The following SLC6A6 variants were observed in gnomAD, a reference collection of about 807,000 sequenced individuals.
SLC6A6 encodes solute carrier family 6 member 6.
SLC6A6 carries 16 observed loss-of-function variants against 68.8 expected under a neutral mutation model. The observed-to-expected ratio is 0.23, with a 90% confidence interval of 0.16 to 0.35. The LOEUF (loss-of-function observed/expected upper bound fraction) is 0.35, where lower values mean the gene tolerates loss of function less well. SLC6A6 is among the 10% of genes least tolerant of loss of function. The pLI, the probability that SLC6A6 is intolerant of heterozygous loss-of-function variation, is 1.00. For missense variants in SLC6A6, 474 were observed against 802.8 expected (o/e 0.59, Z 4.95); for synonymous variants, 312 against 315.4 (o/e 0.99, Z 0.12).
intron 2 of SLC6A6, among the ~76,000 whole-genome samples, chr3:14,421,575 T>C (rs1559287701): frequency 6.6e-6 from 1 of 152,250 alleles, no homozygotes; most frequent in African/African-American, 2.4e-5. Context: ...AACATCGTTA[T>C]TGCTCGTAGT....
intron 3 of SLC6A6, among the ~76,000 whole-genome samples, 173 bp from the exon 4 acceptor site, chr3:14,445,544 C>A (rs924077398): frequency 6.6e-6 from 1 of 152,234 alleles, no homozygotes; most frequent in Non-Finnish European, 1.5e-5. Flanking sequence ...GTGAAACCAG[C>A]TGGCCAGGTG....
In SLC6A6 at chr3:14,466,581, G is replaced by T. The variant is rs745751032; in HGVS notation, c.798G>T (p.Thr266=). 1.7e-5 allele frequency: 27 copies of T among 1,613,552 alleles called. No homozygotes were observed. The highest frequency in any genetic ancestry group is 2.2e-5 in the Non-Finnish European group (26 of 1,179,752). The change falls in exon 7 of 15, where the codon ACG becomes ACT. Residue 266 remains threonine, a synonymous_variant. Coordinates refer to ENST00000622186, the MANE Select transcript of SLC6A6 (RefSeq NM_003043.6). The part of the protein sequence containing the change: ...MLLVLLVRGL[T]LPGAGAGIKF... Reference sequence around the variant, plus strand: ...TGGTGCTGCTGGTCCGAGGGCTGACGCTGCCGGGCGCGGGCGCAGGCATCA... The same window carrying T: ...TGGTGCTGCTGGTCCGAGGGCTGACTCTGCCGGGCGCGGGCGCAGGCATCA...
intron 2 of SLC6A6, among the ~76,000 whole-genome samples, chr3:14,436,722 C>G (rs1035566357): frequency 6.6e-6 from 1 of 152,042 alleles, no homozygotes; most frequent in South Asian, 2.1e-4. Flanking sequence ...CATCAGAGTT[C>G]CCTGTTTGCT....
chr3:14,443,976 C>A (rs36107877), intron 3 of SLC6A6, 113 bp downstream of exon 3: 237,740 of 708,776 alleles, frequency 0.34, 42,126 homozygotes, highest in East Asian at 0.39. Flanking sequence ...CTGGCCCCCC[C>A]CCTTGACCTC....
In SLC6A6 at chr3:14,443,641, A is replaced by G. The variant is rs1700042861; in HGVS notation, c.7A>G (p.Thr3Ala). The change falls in exon 3 of 15, where the codon ACC becomes GCC. Residue 3 changes from threonine (T) to alanine (A), a missense_variant. Physicochemically the swap from Thr to Ala is moderately conservative, Grantham distance 58. Coordinates refer to ENST00000622186, the MANE Select transcript of SLC6A6 (RefSeq NM_003043.6). ...CCCCATAGAAAGCAAGGAGATGGCC[A>G]CCAAGGAGAAGCTGCAGTGTCTGAA... Reference protein sequence around the residue: MATKEKLQCLKDF... With the variant: MAAKEKLQCLKDF... The G allele has an allele frequency of 6.2e-7, 1 of 1,610,028 alleles. No individual in the cohort carries two copies.
Position 14,477,804 on chromosome 3 carries a change from C to T in SLC6A6, c.1347+462C>T, listed in dbSNP as rs1393103153. On this transcript the variant is annotated intron_variant, in intron 11 of 14. Coordinates refer to ENST00000622186, the MANE Select transcript of SLC6A6 (RefSeq NM_003043.6). This position sits in a 1 kb window ranked among gnomAD's most constrained non-coding sequence, Gnocchi z 4.2. ...CTGGTGGGTATGGGTTGATAGGGGG[C>T]ACATACACTATTCAGAGGGTGAGCA... Among the ~76,000 whole-genome samples, 1 of 152,066 alleles carries T rather than the reference C, an allele frequency of 6.6e-6. No homozygotes were observed. Among genetic ancestry groups the T allele is most frequent in the Non-Finnish European group, 1.5e-5 (1 of 68,014 alleles).
intron 2 of SLC6A6, among the ~76,000 whole-genome samples, chr3:14,438,837 A>G (rs1433368481): frequency 6.6e-6 from 1 of 152,214 alleles, no homozygotes; most frequent in Non-Finnish European, 1.5e-5. Flanking sequence ...TCTCCACCAG[A>G]AAGAGACATG....
At position 14,485,464 on chromosome 3, in the gene SLC6A6, C is replaced by T. The variant is rs188724187; in HGVS notation, c.*457C>T. The T allele has an allele frequency of 3.3e-5, 5 of 153,646 alleles. No homozygotes were observed. Among genetic ancestry groups the T allele is most frequent in the Admixed American group, 1.9e-4 (3 of 15,442 alleles). 9.5% of individuals were successfully genotyped at this position (153,646 alleles called of 1,614,324 possible). A position where few individuals can be genotyped will look rare whatever the true frequency, so the allele number is the denominator to read the frequency against. The stretch of plus-strand genomic sequence containing the variant: ...CTGGCAGAAAGTTCTGTCCAGTAAA[C>T]GCAGGATGGAATTTTCCTGGGACTC... On this transcript the variant is annotated 3_prime_UTR_variant, in exon 15 of 15. Coordinates refer to ENST00000622186, the MANE Select transcript of SLC6A6 (RefSeq NM_003043.6).
At position 14,477,488 on chromosome 3, in the gene SLC6A6, A is replaced by G. The variant is rs1476771978; in HGVS notation, c.1347+146A>G. On this transcript the variant is annotated intron_variant, in intron 11 of 14. Transcript: ENST00000622186. This position sits in a 1 kb window ranked among gnomAD's most constrained non-coding sequence, Gnocchi z 4.2. ...ATTCAGGGGTCCTGCTTGGACCAAC[A>G]CTGGGGGTAGCACGAGGGGGCTCAG... The G allele has an allele frequency of 1.9e-5, 15 of 790,948 alleles. No individual in the cohort carries two copies. Among genetic ancestry groups the G allele is most frequent in the Non-Finnish European group, 2.6e-5 (13 of 491,024 alleles). 49.0% of individuals were successfully genotyped at this position (790,948 alleles called of 1,614,324 possible).
chr3:14,403,590 C>G (rs902318376), intron 1 of SLC6A6, among the ~76,000 whole-genome samples: 2 of 152,142 alleles, frequency 1.3e-5, no homozygotes, highest in African/African-American at 4.8e-5. Flanking sequence ...TGCATGCACT[C>G]CATAGGTGGT....
chr3:14,437,789 T>C (rs1699891158), intron 2 of SLC6A6, among the ~76,000 whole-genome samples: 1 of 151,358 alleles, frequency 6.6e-6, no homozygotes, highest in African/African-American at 2.4e-5. Context: ...CCATCCACTT[T>C]TTCTTATTTA....
chr3:14,445,249 T>C lies in SLC6A6; in HGVS notation c.230-468T>C, dbSNP rs544766291. On this transcript the variant is annotated intron_variant, in intron 3 of 14. Coordinates refer to ENST00000622186, the MANE Select transcript of SLC6A6 (RefSeq NM_003043.6). ...CATCCTGACTAACATGGTGAAACCC[T>C]GTCTCTACTAAAAAACAAAAAATTA... 6.5e-3 allele frequency among the ~76,000 whole-genome samples: 787 copies of C among 120,158 alleles called. 6 individuals carry two copies. The highest frequency in any genetic ancestry group is 0.025 in the African/African-American group (648 of 25,732). 78.8% of individuals were successfully genotyped at this position (120,158 alleles called of 152,430 possible). A position where few individuals can be genotyped will look rare whatever the true frequency, so the allele number is the denominator to read the frequency against.
At chr3:14,403,414 T>G (rs1198467483) in intron 1 of SLC6A6, among the ~76,000 whole-genome samples, 1 of 152,170 alleles carries the variant, frequency 6.6e-6, no homozygotes, top group Non-Finnish European at 1.5e-5. Context: ...CACGTGCGTG[T>G]CCCTGAGTGT....
At chr3:14,413,226 C>A (rs1331658447) in intron 1 of SLC6A6, among the ~76,000 whole-genome samples, 1 of 152,218 alleles carries the variant, frequency 6.6e-6, no homozygotes, top group Non-Finnish European at 1.5e-5. Flanking sequence ...AAGGAAGCAC[C>A]TTAGCCTCTG....
intron 3 of SLC6A6, chr3:14,444,782 C>G (rs1042282498): frequency 2.8e-5 from 13 of 456,540 alleles, no homozygotes; most frequent in African/African-American, 2.6e-4. Flanking sequence ...TAGACGCTCC[C>G]CAGAACAAAG....
chr3:14,484,834 GT>G, intron 14 of SLC6A6, 32 bp from the exon 15 acceptor site: 3 of 1,605,232 alleles, frequency 1.9e-6, no homozygotes, highest in African/African-American at 2.7e-5. Context: ...GCCGCCTGAC[GT>G]TTCCCCCCTC....
At chr3:14,421,414 G>A (rs939718194) in intron 2 of SLC6A6, among the ~76,000 whole-genome samples, 1 of 152,110 alleles carries the variant, frequency 6.6e-6, no homozygotes, top group Admixed American at 6.5e-5. Flanking sequence ...ACCTCGCTGT[G>A]GGCTTCAGTG....
At chr3:14,424,502 G>T (rs1204132089) in intron 2 of SLC6A6, among the ~76,000 whole-genome samples, 1 of 152,014 alleles carries the variant, frequency 6.6e-6, no homozygotes, top group Non-Finnish European at 1.5e-5. Context: ...AAGGAGTGCA[G>T]CGTGGCTGGG....
intron 5 of SLC6A6, among the ~76,000 whole-genome samples, chr3:14,457,217 C>A (rs1269039703): frequency 5.9e-5 from 9 of 152,210 alleles, no homozygotes; most frequent in Non-Finnish European, 1.0e-4. Flanking sequence ...GGGTTGGTGA[C>A]TGTCCCGTGC....
Sources: gnomAD v4.1 joint callset for allele counts (sites outside exome capture counted in the v4.1 genomes callset) on GRCh38, gnomAD v4.1.1 for gene constraint, Gnocchi (gnomAD v3.1) non-coding constraint, MANE v1.5 for transcripts, NCBI Gene and HGNC (gene_info 2026-07-23, HGNC 2026-07-21) for gene names.